MYO15A: variants seen among roughly 807,000 people sequenced by gnomAD.
MYO15A encodes the protein unconventional myosin-XV.
MYO15A carries 308 observed loss-of-function variants against 394.6 expected under a neutral mutation model. The observed-to-expected ratio is 0.78, with a 90% confidence interval of 0.71 to 0.86. The LOEUF (loss-of-function observed/expected upper bound fraction) is 0.86, where lower values mean the gene tolerates loss of function less well. Ranked by LOEUF, MYO15A falls within the 40% of genes least tolerant of loss-of-function variation. The pLI is 0.00. For synonymous variants in MYO15A, 1,957 were observed against 2,003.8 expected (o/e 0.98, Z 0.62); for missense variants, 4,606 against 4,799.1 (o/e 0.96, Z 1.19).
chr17:18,124,739 G>T, intron 3 of MYO15A, 174 bp downstream of exon 3: 2 of 669,328 alleles, frequency 3.0e-6, no homozygotes, highest in Non-Finnish European at 5.1e-6. Flanking sequence ...GACGGACTTT[G>T]GTTCAAATCC....
intron 28 of MYO15A, 47 bp downstream of exon 28, chr17:18,144,047 C>G (rs752232299): frequency 1.9e-6 from 3 of 1,611,840 alleles, no homozygotes; most frequent in Non-Finnish European, 2.5e-6. Flanking sequence ...TAGGCGCTGA[C>G]CAATTAGAAT....
Position 18,178,870 on chromosome 17 carries a change from AC to A in MYO15A, c.*3del. 6.2e-7 allele frequency: 1 copy of A among 1,612,562 alleles called. No individual in the cohort carries two copies. The highest frequency in any genetic ancestry group is 8.5e-7 in the Non-Finnish European group (1 of 1,179,954). On this transcript the variant is annotated 3_prime_UTR_variant, in exon 66 of 66. Coordinates refer to ENST00000647165, the MANE Select transcript of MYO15A (RefSeq NM_016239.4). ...CCCCCAGCGAGATCACCCTGCTCTGACCCAGCCCCCAGCCCTCCAGTACCTT... is the reference window on the plus strand; with the variant it reads ...CCCCCAGCGAGATCACCCTGCTCTGACCAGCCCCCAGCCCTCCAGTACCTT...
intron 45 of MYO15A, 81 bp downstream of exon 45, chr17:18,154,836 C>A: frequency 6.8e-7 from 1 of 1,475,152 alleles, no homozygotes; most frequent in Non-Finnish European, 9.4e-7. Flanking sequence ...GAGACTGAGG[C>A]TGACAAGCCC....
intron 21 of MYO15A, 60 bp from the exon 22 acceptor site, chr17:18,140,959 T>C: frequency 6.2e-7 from 1 of 1,612,970 alleles, no homozygotes; most frequent in Non-Finnish European, 8.5e-7. Context: ...TTCACCATGA[T>C]AATGCCTTTT....
chr17:18,136,334 A>T, intron 13 of MYO15A, 83 bp from the exon 14 acceptor site: 1 of 1,539,756 alleles, frequency 6.5e-7, no homozygotes, highest in South Asian at 1.1e-5. Context: ...CTTCTCCATG[A>T]TCCCACTCCC....
Position 18,145,908 on chromosome 17 carries a change from G to A in MYO15A, c.6310G>A (p.Ala2104Thr), listed in dbSNP as rs2046471323. Residue 2104 changes from alanine to threonine, a missense_variant, in exon 30 of 66, where the codon GCC becomes ACC. This residue lies in a region of MYO15A where 2,776 missense variants were observed against 3,109.3 expected (regional missense o/e 0.89). Coordinates refer to ENST00000647165, the MANE Select transcript of MYO15A (RefSeq NM_016239.4). ...CATGGGCGACCCCCACCTGCATGGT[G>A]CCCGGGAGAACATCTTCGGGAACTA... ...RFMGDPHLHG[A>T]RENIFGNYIV... 1 of 1,613,406 alleles carries A rather than the reference G, an allele frequency of 6.2e-7. No individual in the cohort carries two copies. Among genetic ancestry groups the A allele is most frequent in the African/African-American group, 1.3e-5 (1 of 74,898 alleles).
Position 18,157,037 on chromosome 17 carries a change from C to T in MYO15A, c.8685C>T (p.His2895=). 1 of 1,614,156 alleles carries T rather than the reference C, an allele frequency of 6.2e-7. No homozygotes were observed. Among genetic ancestry groups the T allele is most frequent in the South Asian group, 1.1e-5 (1 of 91,088 alleles). Residue 2895 remains histidine, a synonymous_variant, in exon 49 of 66, where the codon CAC becomes CAT. Transcript: ENST00000647165. ...CTTTCCACAAGGGTGACATCATACA[C>T]CTGCAGCCCCTAGAGCCACCTCGAG... ...LLAFHKGDII[H]LQPLEPPRVG...
Position 18,136,646 on chromosome 17 carries a change from A to G in MYO15A, c.4739A>G (p.Asp1580Gly). 6.2e-7 allele frequency: 1 copy of G among 1,613,024 alleles called. No individual in the cohort carries two copies. The highest frequency in any genetic ancestry group is 2.2e-5 in the East Asian group (1 of 44,880). ...RVNALVSPRQ[D>G]TLSIAILDIY... ...AACGCGCTGGTGTCCCCAAGGCAGG[A>G]CACACTGTCCATCGCCATCCTGGAC... Residue 1580 changes from aspartate to glycine, a missense_variant, in exon 15 of 66, where the codon GAC becomes GGC. By Grantham distance (94) the Asp-to-Gly change is moderately conservative. This residue lies in a region of MYO15A where 2,776 missense variants were observed against 3,109.3 expected (regional missense o/e 0.89). Transcript: ENST00000647165.
chr17:18,132,535 A>G lies in MYO15A; in HGVS notation c.4289A>G (p.Gln1430Arg). Reference sequence around the variant, plus strand: ...CAGCTCAGGCAGGCCTTTAGCCTGCAAGAGGCTGAGACCTACTACTATCTG... The same window carrying G: ...CAGCTCAGGCAGGCCTTTAGCCTGCGAGAGGCTGAGACCTACTACTATCTG... ...PAQLRQAFSL[Q>R]EAETYYYLNQ... The change falls in exon 11 of 66, where the codon CAA (glutamine) becomes CGA (arginine). Residue 1430 changes from glutamine (Q) to arginine (R), a missense_variant. By Grantham distance (43) the Gln-to-Arg change is conservative. Transcript: ENST00000647165. This position sits in a 1 kb window ranked among gnomAD's most constrained non-coding sequence, Gnocchi z 4.6. 6.2e-7 allele frequency: 1 copy of G among 1,613,066 alleles called. No individual in the cohort carries two copies. Among genetic ancestry groups the G allele is most frequent in the Non-Finnish European group, 8.5e-7 (1 of 1,179,996 alleles).
intron 28 of MYO15A, among the ~76,000 whole-genome samples, chr17:18,144,255 C>T (rs1328888360): frequency 6.6e-6 from 1 of 152,206 alleles, no homozygotes; most frequent in African/African-American, 2.4e-5. Flanking sequence ...ACTGGTGGAG[C>T]CATAGCATGT....
Position 18,132,969 on chromosome 17 carries a change from A to G in MYO15A, c.4321-256A>G, listed in dbSNP as rs854786. On this transcript the variant is annotated intron_variant, in intron 11 of 65. Transcript: ENST00000647165. This position sits in a 1 kb window ranked among gnomAD's most constrained non-coding sequence, Gnocchi z 4.6. ...CCTGGCATGCAGTACATGCTCAGTA[A>G]ACACTTGCTACTCTTTTCATTACTA... Among the ~76,000 whole-genome samples, 50,890 of 152,094 alleles carry G rather than the reference A, an allele frequency of 0.33. 8,583 individuals carry two copies. The highest frequency in any genetic ancestry group is 0.54 in the South Asian group (2,601 of 4,818).
chr17:18,122,665 T>G, intron 2 of MYO15A: 1 of 550,004 alleles, frequency 1.8e-6, no homozygotes, highest in South Asian at 2.6e-5. Context: ...GGGAAGGATC[T>G]TTGTTCATAT....
At chr17:18,108,874 C>T (rs1350995975) in intron 1 of MYO15A, 50 bp downstream of exon 1, 1 of 152,716 alleles carries the variant, frequency 6.5e-6, no homozygotes, top group East Asian at 1.9e-4. Context: ...TGGCCACCCT[C>T]GCATCCCAGG....
At chr17:18,159,090 T>C in intron 53 of MYO15A, 93 bp downstream of exon 53, 1 of 1,427,728 alleles carries the variant, frequency 7.0e-7, no homozygotes, top group South Asian at 1.2e-5. Flanking sequence ...TTGTTCTCAG[T>C]GAGACCCTCT....
In MYO15A at chr17:18,120,595, G is replaced by C; in HGVS notation, c.1795G>C (p.Gly599Arg). ...GGGCAGCCAGAAGGCCCGGGCGGGCGGCCCTGCTGTCAGGGAGGCGGCCTA... is the reference window on the plus strand; with the variant it reads ...GGGCAGCCAGAAGGCCCGGGCGGGCCGCCCTGCTGTCAGGGAGGCGGCCTA... ...LRGSQKARAG[G>R]PAVREAAYKR... The change falls in exon 2 of 66, where the codon GGC (glycine) becomes CGC (arginine). Residue 599 changes from glycine to arginine, a missense_variant. By Grantham distance (125) the Gly-to-Arg change is moderately radical. Coordinates refer to ENST00000647165, the MANE Select transcript of MYO15A (RefSeq NM_016239.4). 1.3e-6 allele frequency: 2 copies of C among 1,597,658 alleles called. No homozygotes were observed. Among genetic ancestry groups the C allele is most frequent in the East Asian group, 2.3e-5 (1 of 44,380 alleles).
In MYO15A at chr17:18,154,106, A is replaced by T. The variant is rs1284327689; in HGVS notation, c.8089-25A>T. The T allele has an allele frequency of 2.5e-6, 4 of 1,613,502 alleles. No homozygotes were observed. In the East Asian group the frequency reaches 8.9e-5, roughly 36 times the overall value. On this transcript the variant is annotated intron_variant, in intron 43 of 65. Coordinates refer to ENST00000647165, the MANE Select transcript of MYO15A (RefSeq NM_016239.4). ...CAAGGCCAGGGGGCAGTCGGACAGT[A>T]CCCACTGAAGCCCCGCCCCTGCAGG...
intron 25 of MYO15A, 67 bp downstream of exon 25, chr17:18,142,907 A>G: frequency 4.2e-6 from 6 of 1,435,552 alleles, no homozygotes; most frequent in Non-Finnish European, 5.8e-6. Context: ...TTAGCACCCA[A>G]GAGGAGACTA....
chr17:18,178,025 C>G (rs2047038586), intron 65 of MYO15A: 1 of 154,204 alleles, frequency 6.5e-6, no homozygotes, highest in Admixed American at 6.4e-5. Context: ...TGGCAACAGA[C>G]AGTTAGAAAC....
At chr17:18,122,813 C>G (rs2045962730) in intron 2 of MYO15A, 1 of 187,182 alleles carries the variant, frequency 5.3e-6, no homozygotes, top group Non-Finnish European at 1.1e-5. Flanking sequence ...ACCGCACATC[C>G]AGGTCTCTGC....
Sources: gnomAD v4.1 joint callset for allele counts (sites outside exome capture counted in the v4.1 genomes callset) on GRCh38, gnomAD v4.1.1 for gene constraint, gnomAD v4.1.1 regional missense constraint, Gnocchi (gnomAD v3.1) non-coding constraint, MANE v1.5 for transcripts, NCBI Gene and HGNC (gene_info 2026-07-23, HGNC 2026-07-21) for gene names.